The following ASAP1 variants were observed in gnomAD, a reference collection of about 807,000 sequenced individuals.
The protein encoded by ASAP1 is ArfGAP with SH3 domain, ankyrin repeat and PH domain 1.
In ASAP1, 43 loss-of-function variants were observed where a neutral mutation model predicts 145.2. The ratio of observed to expected loss-of-function variants is 0.30; its 90% CI spans 0.23 to 0.38. ASAP1 has a LOEUF of 0.38. Ranked by LOEUF, ASAP1 falls within the 10% of genes least tolerant of loss-of-function variation. The probability of loss-of-function intolerance (pLI) is 1.00; values close to 1 mark genes in which losing one functional copy is unlikely to be tolerated. For synonymous variants in ASAP1, 546 were observed against 515.5 expected (o/e 1.06, Z -0.80); for missense variants, 1,018 against 1,355.3 (o/e 0.75, Z 3.91).
chr8:130,166,444 G>T (rs7838372), intron 11 of ASAP1, among the ~76,000 whole-genome samples: 17,672 of 152,094 alleles, frequency 0.12, 1,135 homozygotes, highest in Non-Finnish European at 0.15. Flanking sequence ...CCGTAGTCAG[G>T]TCTGAGTTTT....
At chr8:130,153,320 C>T (rs1422243812) in intron 12 of ASAP1, among the ~76,000 whole-genome samples, 2 of 126,814 alleles carry the variant, frequency 1.6e-5, no homozygotes, top group East Asian at 4.3e-4. Context: ...ACCTGGCCAG[C>T]ACTGCTTTTT....
chr8:130,346,192 G>T (rs939370176), intron 3 of ASAP1, among the ~76,000 whole-genome samples: 1 of 152,156 alleles, frequency 6.6e-6, no homozygotes, highest in East Asian at 1.9e-4. Flanking sequence ...AGTGAGGGGG[G>T]ATGTCCCTGA....
chr8:130,350,503 CT>C (rs1315480940), intron 3 of ASAP1, among the ~76,000 whole-genome samples: 1 of 152,220 alleles, frequency 6.6e-6, no homozygotes, highest in Non-Finnish European at 1.5e-5. Context: ...TGCTTTCCCA[CT>C]TTATAACTGG....
intron 11 of ASAP1, among the ~76,000 whole-genome samples, chr8:130,165,008 G>A (rs2097676973): frequency 6.6e-6 from 1 of 152,214 alleles, no homozygotes; most frequent in Non-Finnish European, 1.5e-5. Flanking sequence ...TAAACAGCAT[G>A]AGAAAGGAAC....
intron 13 of ASAP1, among the ~76,000 whole-genome samples, chr8:130,147,198 C>CAAAA (rs559149769): frequency 7.9e-5 from 5 of 63,334 alleles, no homozygotes; most frequent in African/African-American, 1.3e-4. Flanking sequence ...AATGCAGTCT[C>CAAAA]AAAAAAAAAA....
At chr8:130,118,319 GC>G in intron 19 of ASAP1, 73 bp from the exon 20 acceptor site, 1 of 1,463,926 alleles carries the variant, frequency 6.8e-7, no homozygotes, top group Non-Finnish European at 9.4e-7. Context: ...TATATCAGTT[GC>G]CCCCAAGTAA....
intron 25 of ASAP1, among the ~76,000 whole-genome samples, chr8:130,090,472 T>C (rs2097503240): frequency 6.6e-6 from 1 of 152,246 alleles, no homozygotes; most frequent in African/African-American, 2.4e-5. Context: ...TATGTACATA[T>C]GTGCTAGCAC....
intron 3 of ASAP1, among the ~76,000 whole-genome samples, chr8:130,256,784 C>CA (rs1819593739): frequency 1.7e-5 from 1 of 58,764 alleles, no homozygotes; most frequent in African/African-American, 6.6e-5. Flanking sequence ...TATATATATC[C>CA]TTATATATAT....
At chr8:130,406,623 A>G (rs1051474536) in intron 1 of ASAP1, among the ~76,000 whole-genome samples, 1 of 152,104 alleles carries the variant, frequency 6.6e-6, no homozygotes, top group Non-Finnish European at 1.5e-5. Flanking sequence ...CTGGGATTAC[A>G]GGCATGTGCC....
intron 5 of ASAP1, among the ~76,000 whole-genome samples, chr8:130,201,158 T>C (rs1815845121): frequency 6.6e-6 from 1 of 152,170 alleles, no homozygotes; most frequent in African/African-American, 2.4e-5. Flanking sequence ...ACCACTGCCT[T>C]AGACTAAAGG....
At chr8:130,227,160 G>A (rs535649979) in intron 4 of ASAP1, among the ~76,000 whole-genome samples, 3 of 152,198 alleles carry the variant, frequency 2.0e-5, no homozygotes, top group East Asian at 1.9e-4. Flanking sequence ...ATGTAAAATC[G>A]AGATAATAAA....
chr8:130,215,282 C>T (rs1162752622), intron 4 of ASAP1, among the ~76,000 whole-genome samples: 1 of 152,150 alleles, frequency 6.6e-6, no homozygotes, highest in African/African-American at 2.4e-5. Context: ...GGTCAAATTA[C>T]ATCACATTTT....
intron 1 of ASAP1, among the ~76,000 whole-genome samples, chr8:130,404,892 T>C (rs1237338379): frequency 6.6e-6 from 1 of 152,120 alleles, no homozygotes; most frequent in African/African-American, 2.4e-5. Flanking sequence ...TATGTCTCCA[T>C]AGCCGCTGTC....
At chr8:130,274,564 C>T (rs1276637261) in intron 3 of ASAP1, among the ~76,000 whole-genome samples, 1 of 152,238 alleles carries the variant, frequency 6.6e-6, no homozygotes, top group African/African-American at 2.4e-5. Context: ...ACAATATCAA[C>T]TTGACATAGC....
intron 13 of ASAP1, among the ~76,000 whole-genome samples, chr8:130,149,292 A>C (rs916444569): frequency 2.0e-5 from 3 of 150,454 alleles, no homozygotes; most frequent in Non-Finnish European, 4.4e-5. Context: ...GTTATAGCAA[A>C]TTCAGAGATT....
chr8:130,181,062 G>T (rs1414367588), intron 7 of ASAP1, among the ~76,000 whole-genome samples, 182 bp from the exon 8 acceptor site: 5 of 151,700 alleles, frequency 3.3e-5, no homozygotes, highest in Admixed American at 1.3e-4. Flanking sequence ...GTGCATGTGT[G>T]GGGGGAGGGA....
At chr8:130,199,978 C>T (rs1258672666) in intron 5 of ASAP1, among the ~76,000 whole-genome samples, 1 of 152,192 alleles carries the variant, frequency 6.6e-6, no homozygotes, top group Middle Eastern at 3.2e-3. Flanking sequence ...ATAAACATAA[C>T]TTTTTGAAAA....
At chr8:130,290,983 A>T (rs77909735) in intron 3 of ASAP1, among the ~76,000 whole-genome samples, 2,503 of 152,286 alleles carry the variant, frequency 0.016, 69 homozygotes, top group African/African-American at 0.055. Context: ...TCTAAAACCA[A>T]ATAATGCTTT....
At chr8:130,216,043 G>T (rs1396175830) in intron 4 of ASAP1, among the ~76,000 whole-genome samples, 1 of 136,486 alleles carries the variant, frequency 7.3e-6, no homozygotes, top group Non-Finnish European at 1.5e-5. Flanking sequence ...AAAAAGGAAA[G>T]GAAAAGAAAG....
Sources: gnomAD v4.1 joint callset for allele counts (sites outside exome capture counted in the v4.1 genomes callset) on GRCh38, gnomAD v4.1.1 for gene constraint, MANE v1.5 for transcripts, NCBI Gene and HGNC (gene_info 2026-07-23, HGNC 2026-07-21) for gene names.